ZXDC: variants seen among roughly 807,000 people sequenced by gnomAD.
ZXDC encodes zinc finger protein ZXDC.
In ZXDC, 58 loss-of-function variants were observed where a neutral mutation model predicts 63.6. The observed-to-expected ratio is 0.91, with a 90% CI of 0.74 to 1.13. The LOEUF is 1.13. Among genes scored for constraint, ZXDC ranks in the 50% most tolerant of loss-of-function variants. ZXDC has a pLI of 0.00. For synonymous variants in ZXDC, 561 were observed against 496.1 expected, an observed-to-expected ratio of 1.13 and a Z score of -1.74; for missense variants, 1,133 against 1,148.9, an observed-to-expected ratio of 0.99 and a Z score of 0.20.
chr3:126,475,357 G>A lies in ZXDC; in HGVS notation c.509C>T (p.Pro170Leu), dbSNP rs1935156231. 4 of 1,482,808 alleles carry A rather than the reference G, an allele frequency of 2.7e-6. No homozygotes were observed. In the African/African-American group the frequency reaches 5.7e-5, roughly 21 times the overall value. The allele number at this position is 1,482,808 out of a possible 1,614,324, so 91.9% of individuals were successfully genotyped here. A position where few individuals can be genotyped will look rare whatever the true frequency, so the allele number is the denominator to read the frequency against. Residue 170 changes from proline to leucine, a missense_variant, in exon 1 of 10, where the codon CCC (proline) becomes CTC (leucine). Coordinates refer to ENST00000389709, the MANE Select transcript of ZXDC (RefSeq NM_025112.5). The part of the protein sequence containing the change: ...APRRAPQASG[P>L]STPGYRCPEP... ...GGGGCAGCGGTAGCCGGGCGTGCTG[G>A]GGCCGGAGGCCTGGGGCGCGCGGCG...
In ZXDC at chr3:126,438,284, C is replaced by T. The variant is rs553311872; in HGVS notation, c.*91G>A. 5.6e-4 allele frequency: 624 copies of T among 1,118,798 alleles called. 14 individuals are homozygous for T. The South Asian group carries it at 8.0e-3, about 14-fold the overall frequency. 69.3% of individuals were successfully genotyped at this position (1,118,798 alleles called of 1,614,324 possible). A position where few individuals can be genotyped will look rare whatever the true frequency, so the allele number is the denominator to read the frequency against. On this transcript the variant is annotated 3_prime_UTR_variant, in exon 10 of 10. Transcript: ENST00000389709. ...GCTACGCTGGTCTTCTGAACGGAAA[C>T]CAAATGAGGTCTCCCCAGGCTCATG...
At chr3:126,452,583 G>A in intron 7 of ZXDC, 1 of 982,556 alleles carries the variant, frequency 1.0e-6, no homozygotes. Context: ...TTGAGATAAT[G>A]CAATTAACAG....
intron 8 of ZXDC, chr3:126,441,039 C>T: frequency 2.0e-6 from 2 of 985,568 alleles, no homozygotes; most frequent in South Asian, 9.4e-5. Context: ...CTGGGCCAAA[C>T]CCAGACAGCC....
rs372350929 is a variant in ZXDC at position 126,438,336 on chromosome 3, T to G, written c.*39A>C. ...CATGAGTCTCAGGGAAGGTGTGTCC[T>G]AGACCGTGGCCTTGGGCCTGCCCAG... On this transcript the variant is annotated 3_prime_UTR_variant, in exon 10 of 10. Coordinates refer to ENST00000389709, the MANE Select transcript of ZXDC (RefSeq NM_025112.5). The G allele has an allele frequency of 3.2e-6, 5 of 1,566,952 alleles. No individual in the cohort carries two copies. The highest frequency in any genetic ancestry group is 4.4e-6 in the Non-Finnish European group (5 of 1,147,776).
chr3:126,453,487 C>A (rs1175958397), intron 7 of ZXDC: 4 of 985,296 alleles, frequency 4.1e-6, no homozygotes, highest in Non-Finnish European at 4.8e-6. Flanking sequence ...CCTTGTGTTC[C>A]ATATACAGTA....
At chr3:126,445,419 C>T (rs544556519) in intron 7 of ZXDC, among the ~76,000 whole-genome samples, 1 of 152,034 alleles carries the variant, frequency 6.6e-6, no homozygotes, top group East Asian at 1.9e-4. Flanking sequence ...CTGGCAAGCC[C>T]GGCTCATTAA....
chr3:126,467,052 C>T (rs1246077495), intron 4 of ZXDC, among the ~76,000 whole-genome samples: 1 of 152,158 alleles, frequency 6.6e-6, no homozygotes, highest in Non-Finnish European at 1.5e-5. Context: ...AATAGAACAG[C>T]CAGTTGCTGC....
chr3:126,468,618 C>A (rs1292588129), intron 4 of ZXDC, among the ~76,000 whole-genome samples: 1 of 152,194 alleles, frequency 6.6e-6, no homozygotes, highest in South Asian at 2.1e-4. Flanking sequence ...CCAACTCCCA[C>A]CTTTCCCCTT....
At chr3:126,459,856 T>TCAC in intron 6 of ZXDC, 119 bp from the exon 7 acceptor site, 1 of 1,571,640 alleles carries the variant, frequency 6.4e-7, no homozygotes, top group Non-Finnish European at 8.6e-7. Context: ...AAAACCAGAG[T>TCAC]CACCAGCAAG....
chr3:126,446,491 G>A (rs1012594137), intron 7 of ZXDC, among the ~76,000 whole-genome samples: 8 of 152,176 alleles, frequency 5.3e-5, no homozygotes, highest in East Asian at 1.9e-4. Context: ...CAGTAGCACC[G>A]CAGTGCCTGC....
rs761872943 is a variant in ZXDC, at chr3:126,466,137, G to A, written c.1441+18C>T. ...CACAGGGAAGCAGCTCCCCATGGGG[G>A]CCGTGGAAAGTGCAGACCTTGGCGC... On this transcript the variant is annotated intron_variant, in intron 5 of 9. Transcript: ENST00000389709. 5 of 1,602,044 alleles carry A rather than the reference G, an allele frequency of 3.1e-6. No individual in the cohort carries two copies. The highest frequency in any genetic ancestry group is 1.1e-5 in the South Asian group (1 of 90,692).
chr3:126,440,798 C>T lies in ZXDC; in HGVS notation c.2394+967G>A, dbSNP rs559166412. On this transcript the variant is annotated intron_variant, in intron 8 of 9. Coordinates refer to ENST00000389709, the MANE Select transcript of ZXDC (RefSeq NM_025112.5). The stretch of plus-strand genomic sequence containing the variant: ...CCAGCTGCCCGCAGCCTCTTCCCTG[C>T]CCCCTTCCCAGCCCACCTCTGCCCA... 7.1e-6 allele frequency: 7 copies of T among 986,594 alleles called. No individual in the cohort carries two copies. In the South Asian group the frequency reaches 3.3e-4, roughly 46 times the overall value. 61.1% of individuals were successfully genotyped at this position (986,594 alleles called of 1,614,324 possible). A position where few individuals can be genotyped will look rare whatever the true frequency, so the allele number is the denominator to read the frequency against.
chr3:126,447,730 G>C (rs1309953054), intron 7 of ZXDC, among the ~76,000 whole-genome samples: 7 of 152,210 alleles, frequency 4.6e-5, no homozygotes, highest in Admixed American at 4.6e-4. Flanking sequence ...TCAGTAGCAG[G>C]TGATGAATGT....
Position 126,461,690 on chromosome 3 carries a change from G to A in ZXDC, c.1972C>T (p.Pro658Ser), listed in dbSNP as rs894835351. 5 of 1,613,616 alleles carry A rather than the reference G, an allele frequency of 3.1e-6. No individual in the cohort carries two copies. The highest frequency in any genetic ancestry group is 2.7e-5 in the African/African-American group (2 of 74,750). The change falls in exon 6 of 10, where the codon CCA becomes TCA. Residue 658 changes from proline (P) to serine (S), a missense_variant. By Grantham distance (74) the Pro-to-Ser change is moderately conservative. Transcript: ENST00000389709. ...ENASVPELLAPIKVEPDSPSR... is the reference protein window; with the variant it reads ...ENASVPELLASIKVEPDSPSR... ...GGCGAGTCCGGCTCCACCTTGATTG[G>A]AGCCAGCAGTTCCGGGACACTGGCA...
rs888371473 is a variant in ZXDC, at chr3:126,462,189, A to G, written c.1473T>C (p.Ser491=). 6.2e-7 allele frequency: 1 copy of G among 1,604,138 alleles called. No homozygotes were observed. Among genetic ancestry groups the G allele is most frequent in the Admixed American group, 1.7e-5 (1 of 59,422 alleles). Residue 491 remains serine (S), a synonymous_variant, in exon 6 of 10, where the codon TCT becomes TCC. Transcript: ENST00000389709. ...TGCTGAGTTCACTGCTGGGAGTAAG[A>G]GAACTCGGAGCTTCTAGCTGAGGTA... ...DLLPQLEAPS[S]LTPSSELSSP...
At chr3:126,459,440 A>G (rs940033249) in intron 7 of ZXDC, 1 of 985,380 alleles carries the variant, frequency 1.0e-6, no homozygotes, top group Non-Finnish European at 1.2e-6. Flanking sequence ...AAGCTTGTTT[A>G]GGCAAATAAA....
In ZXDC at chr3:126,472,312, A is replaced by G. The variant is rs1429312874; in HGVS notation, c.908-7T>C. On this transcript the variant is annotated splice_region_variant and splice_polypyrimidine_tract_variant and intron_variant, in intron 1 of 9. Transcript: ENST00000389709. ...ATAAATGTCTTCTCACAGCCTGAACAAGGAAAACACAAACCCTGCTCAAAG... is the reference window on the plus strand; with the variant it reads ...ATAAATGTCTTCTCACAGCCTGAACGAGGAAAACACAAACCCTGCTCAAAG... The G allele has an allele frequency of 6.2e-7, 1 of 1,602,614 alleles. No homozygotes were observed. The highest frequency in any genetic ancestry group is 8.5e-7 in the Non-Finnish European group (1 of 1,170,402).
chr3:126,457,325 G>A (rs528764711), intron 7 of ZXDC: 16 of 985,430 alleles, frequency 1.6e-5, no homozygotes, highest in Non-Finnish European at 1.7e-5. Flanking sequence ...ACAGAGGAGC[G>A]CTGTGCAGGA....
intron 5 of ZXDC, among the ~76,000 whole-genome samples, chr3:126,463,933 T>G (rs1934654367): frequency 6.6e-6 from 1 of 152,232 alleles, no homozygotes; most frequent in South Asian, 2.1e-4. Flanking sequence ...TTAAAAAAAG[T>G]ATCAATATAG....
Sources: allele counts gnomAD v4.1 joint callset (sites outside exome capture counted in the v4.1 genomes callset), GRCh38; gene constraint gnomAD v4.1.1; transcripts MANE v1.5; gene names NCBI Gene and HGNC (gene_info 2026-07-23, HGNC 2026-07-21).